USP50: variants seen among roughly 807,000 people sequenced by gnomAD.
USP50 encodes the protein ubiquitin carboxyl-terminal hydrolase 50.
A neutral mutation model predicts 39.2 loss-of-function variants in USP50; 37 were observed. That is an observed-to-expected ratio of 0.94 (90% CI 0.73 to 1.24). The LOEUF is 1.24. Ranked by LOEUF, USP50 falls within the 50% of genes most tolerant of loss-of-function variation. USP50 has a pLI of 0.00. For synonymous variants in USP50, 139 were observed against 144.5 expected (o/e 0.96, Z 0.27); for missense variants, 374 against 398.2 (o/e 0.94, Z 0.52).
intron 6 of USP50, chr15:50,507,971 G>A (rs1489696065): frequency 6.7e-6 from 1 of 149,968 alleles, no homozygotes; most frequent in Non-Finnish European, 1.5e-5. Context: ...TGAGGAGGCT[G>A]AAGCAGGAAA....
At chr15:50,540,935 A>T (rs1019227480) in intron 4 of USP50, 114 bp downstream of exon 4, 24 of 806,462 alleles carry the variant, frequency 3.0e-5, no homozygotes, top group African/African-American at 7.0e-5. Flanking sequence ...ATTTTTTTTT[A>T]AATTAAAGTT....
At chr15:50,500,478 A>ACC (rs1178747347), downstream of USP50, 4 of 312,304 alleles carry the variant, frequency 1.3e-5, no homozygotes, top group Non-Finnish European at 1.8e-5. Flanking sequence ...GTGAACCAAG[A>ACC]CCCATCTTCT....
chr15:50,540,489 C>G (rs1394794297), intron 4 of USP50, among the ~76,000 whole-genome samples: 1 of 152,068 alleles, frequency 6.6e-6, no homozygotes, highest in African/African-American at 2.4e-5. Context: ...CAATAAACCC[C>G]ACTATATTTC....
downstream of USP50, chr15:50,495,868 T>C (rs2052381326): frequency 1.9e-6 from 3 of 1,613,528 alleles, no homozygotes; most frequent in Non-Finnish European, 2.5e-6. Context: ...GGAAGAGATA[T>C]AAAGAAGAAA....
chr15:50,513,725 A>G (rs143735676), intron 6 of USP50: 1 of 152,096 alleles, frequency 6.6e-6, no homozygotes, highest in Non-Finnish European at 1.5e-5. Context: ...ATTCTACTAT[A>G]TGGGCAACCA....
intron 6 of USP50, among the ~76,000 whole-genome samples, chr15:50,520,849 G>C (rs183821167): frequency 4.6e-5 from 7 of 152,244 alleles, no homozygotes; most frequent in Admixed American, 4.6e-4. Context: ...AAAGAGAGAG[G>C]CTGGTTAATA....
intron 5 of USP50, among the ~76,000 whole-genome samples, chr15:50,531,319 G>A (rs1358576271): frequency 4.6e-5 from 7 of 152,016 alleles, no homozygotes; most frequent in South Asian, 4.1e-4. Context: ...CAACCCAAAC[G>A]TCCATCAACT....
intron 6 of USP50, chr15:50,503,658 G>C (rs911102580): frequency 6.6e-6 from 1 of 152,200 alleles, no homozygotes; most frequent in Non-Finnish European, 1.5e-5. Context: ...CTTTTCACCA[G>C]TTTGGGATTC....
chr15:50,504,849 G>C (rs2052636793), intron 6 of USP50: 1 of 152,054 alleles, frequency 6.6e-6, no homozygotes, highest in Non-Finnish European at 1.5e-5. Context: ...GGGCCTGGTG[G>C]CGTGCACCTG....
chr15:50,539,036 G>A (rs536837051), intron 4 of USP50, among the ~76,000 whole-genome samples, 185 bp from the exon 5 acceptor site: 3 of 152,014 alleles, frequency 2.0e-5, no homozygotes, highest in East Asian at 3.9e-4. Flanking sequence ...CACCTAGAAG[G>A]TGTTTCTTTC....
In USP50 at chr15:50,538,791, A is replaced by G; in HGVS notation, c.721T>C (p.Ser241Pro). The G allele has an allele frequency of 1.2e-6, 2 of 1,613,854 alleles. No homozygotes were observed. Among genetic ancestry groups the G allele is most frequent in the Non-Finnish European group, 1.7e-6 (2 of 1,179,824 alleles). The change falls in exon 5 of 7, where the codon TCC becomes CCC. Residue 241 changes from serine to proline, a missense_variant. Physicochemically the swap from Ser to Pro is moderately conservative, Grantham distance 74 (BLOSUM62 -1). Transcript: ENST00000532404. ...ALTWNNEIHC[S>P]FCETKQETAV... The stretch of plus-strand genomic sequence containing the variant: ...GTTTCTTGCTTGGTTTCACAAAAGG[A>G]GCAGTGAATTTCGTTGTTCCAGGTC...
chr15:50,496,176 C>T (rs2052393838), downstream of USP50: 1 of 1,097,396 alleles, frequency 9.1e-7, no homozygotes, highest in Admixed American at 2.4e-5. Context: ...TTTACCCTTA[C>T]AAACATTTTA....
intron 6 of USP50, chr15:50,511,573 A>G (rs1296504511): frequency 1.3e-5 from 2 of 152,280 alleles, no homozygotes; most frequent in African/African-American, 4.8e-5. Context: ...ATACAATGGA[A>G]TATTATTTGG....
intron 3 of USP50, among the ~76,000 whole-genome samples, chr15:50,542,945 G>C (rs1350993350): frequency 6.6e-6 from 1 of 152,138 alleles, no homozygotes; most frequent in East Asian, 1.9e-4. Flanking sequence ...ATAAAGTCAA[G>C]GACACATTTT....
downstream of USP50, among the ~76,000 whole-genome samples, chr15:50,496,494 A>C (rs899814499): frequency 5.3e-4 from 81 of 152,098 alleles, no homozygotes; most frequent in South Asian, 0.016. Context: ...AAAAAAAAAA[A>C]AAAAAACCTT....
downstream of USP50, chr15:50,496,880 C>G: frequency 2.0e-6 from 1 of 500,338 alleles, no homozygotes; most frequent in Non-Finnish European, 3.4e-6. Flanking sequence ...TCACAACACA[C>G]TGTAGGTAGC....
chr15:50,513,171 T>C (rs2052759815), intron 6 of USP50: 1 of 152,182 alleles, frequency 6.6e-6, no homozygotes, highest in Non-Finnish European at 1.5e-5. Context: ...AAGTTAAATA[T>C]GCACATACTT....
At chr15:50,527,929 G>C (rs774796360) in intron 6 of USP50, among the ~76,000 whole-genome samples, 1 of 151,986 alleles carries the variant, frequency 6.6e-6, no homozygotes, top group Non-Finnish European at 1.5e-5. Flanking sequence ...GAGCCACCAT[G>C]CTCAACCTCA....
intron 6 of USP50, among the ~76,000 whole-genome samples, chr15:50,515,714 G>A (rs1313257764): frequency 6.6e-6 from 1 of 151,542 alleles, no homozygotes; most frequent in African/African-American, 2.4e-5. Context: ...GAATAAATCA[G>A]TTGATGTAAT....
Sources: allele counts gnomAD v4.1 joint callset (sites outside exome capture counted in the v4.1 genomes callset), GRCh38; gene constraint gnomAD v4.1.1; transcripts MANE v1.5; gene names NCBI Gene and HGNC (gene_info 2026-07-23, HGNC 2026-07-21).